The following RBFOX1 variants were observed in gnomAD, a reference collection of about 807,000 sequenced individuals.
RBFOX1 encodes the protein RNA binding fox-1 homolog 1, also known as RNA binding protein fox-1 homolog 1.
Under a neutral mutation model 57.7 loss-of-function variants are expected in RBFOX1, and 8 were observed. The ratio of observed to expected loss-of-function variants is 0.14; its 90% confidence interval spans 0.08 to 0.25. The LOEUF (loss-of-function observed/expected upper bound fraction) is 0.25. Ranked by LOEUF, RBFOX1 falls within the 10% of genes least tolerant of loss-of-function variation. The pLI is 1.00. For missense variants in RBFOX1, 611 were observed against 548.5 expected, an observed-to-expected ratio of 1.11 and a Z score of -1.14; for synonymous variants, 326 against 222.4, an observed-to-expected ratio of 1.47 and a Z score of -4.15.
intron 3 of RBFOX1, among the ~76,000 whole-genome samples, chr16:6,679,130 A>G (rs937016677): frequency 6.6e-6 from 1 of 152,104 alleles, no homozygotes; most frequent in African/African-American, 2.4e-5. Flanking sequence ...TGCAGCCAGA[A>G]TTTCACAACT....
At chr16:7,378,179 C>T (rs760777794) in intron 4 of RBFOX1, among the ~76,000 whole-genome samples, 5 of 152,156 alleles carry the variant, frequency 3.3e-5, no homozygotes, top group Non-Finnish European at 7.3e-5. Flanking sequence ...TTTATCGTTG[C>T]TGAGCCGGAA....
rs866044695 is a variant in RBFOX1 at position 7,636,199 on chromosome 16, A to G, written c.757+5516A>G. Reference sequence around the variant, plus strand: ...GTGCAACTACATCCATTCTACACTTAACATTGCCAAACATGGAACTGTTGG... The same window carrying G: ...GTGCAACTACATCCATTCTACACTTGACATTGCCAAACATGGAACTGTTGG... On this transcript the variant is annotated intron_variant, in intron 11 of 15. Coordinates refer to ENST00000550418, the MANE Select transcript of RBFOX1 (RefSeq NM_018723.4). Among the ~76,000 whole-genome samples, 4 of 152,374 alleles carry G rather than the reference A, an allele frequency of 2.6e-5. No individual in the cohort carries two copies. The South Asian group carries it at 8.3e-4, about 32-fold the overall frequency.
intron 4 of RBFOX1, among the ~76,000 whole-genome samples, chr16:7,169,439 C>G (rs1265630742): frequency 6.6e-6 from 1 of 152,160 alleles, no homozygotes; most frequent in African/African-American, 2.4e-5. Context: ...AATCCCTGAC[C>G]TAGGGTATCT....
At chr16:6,448,114 T>C (rs2094521337) in intron 2 of RBFOX1, among the ~76,000 whole-genome samples, 1 of 151,542 alleles carries the variant, frequency 6.6e-6, no homozygotes, top group Non-Finnish European at 1.5e-5. Flanking sequence ...TTATAACATA[T>C]AACTGATCAG....
At chr16:6,028,352 A>G (rs2095235936) in intron 1 of RBFOX1, among the ~76,000 whole-genome samples, 1 of 151,926 alleles carries the variant, frequency 6.6e-6, no homozygotes, top group African/African-American at 2.4e-5. Context: ...TTGAGGGAGA[A>G]TAAAGGGCAT....
intron 3 of RBFOX1, among the ~76,000 whole-genome samples, chr16:6,750,090 A>G (rs1258692437): frequency 6.6e-6 from 1 of 152,168 alleles, no homozygotes; most frequent in East Asian, 1.9e-4. Flanking sequence ...CGAGGTGTAT[A>G]GGGTTATGAT....
At chr16:6,686,434 C>T (rs888884790) in intron 3 of RBFOX1, among the ~76,000 whole-genome samples, 6 of 152,162 alleles carry the variant, frequency 3.9e-5, no homozygotes, top group African/African-American at 9.7e-5. Flanking sequence ...CGCAGGCCTC[C>T]GTTGTACTCA....
intron 4 of RBFOX1, among the ~76,000 whole-genome samples, chr16:7,060,083 C>G (rs1468403241): frequency 2.6e-5 from 4 of 152,094 alleles, no homozygotes; most frequent in Non-Finnish European, 5.9e-5. Context: ...TTTAATCAAA[C>G]CCAGAATTGA....
chr16:6,642,019 A>C (rs1006599020), intron 2 of RBFOX1, among the ~76,000 whole-genome samples: 49 of 152,122 alleles, frequency 3.2e-4, no homozygotes, highest in Non-Finnish European at 6.2e-4. Context: ...GCTGACCACC[A>C]AATTAGAACA....
At chr16:5,931,133 G>A (rs532444808) in intron 4 of RBFOX1, among the ~76,000 whole-genome samples, 1 of 152,246 alleles carries the variant, frequency 6.6e-6, no homozygotes, top group African/African-American at 2.4e-5. Flanking sequence ...TGCACGTAGG[G>A]CTATTCTTTT....
chr16:7,112,263 T>C (rs1488635046), intron 4 of RBFOX1, among the ~76,000 whole-genome samples: 1 of 152,078 alleles, frequency 6.6e-6, no homozygotes, highest in Admixed American at 6.6e-5. Flanking sequence ...AGTGCAGTGG[T>C]GCAATCTCGG....
intron 1 of RBFOX1, among the ~76,000 whole-genome samples, chr16:6,253,967 A>C (rs2097644427): frequency 1.3e-5 from 2 of 152,126 alleles, no homozygotes; most frequent in African/African-American, 4.8e-5. Flanking sequence ...CAAGTAGGAC[A>C]GAACTCTTAT....
At chr16:6,229,799 A>G (rs1164484679) in intron 1 of RBFOX1, among the ~76,000 whole-genome samples, 1 of 152,092 alleles carries the variant, frequency 6.6e-6, no homozygotes, top group Non-Finnish European at 1.5e-5. Context: ...AGTTATAAAT[A>G]TAGAATACAT....
intron 2 of RBFOX1, among the ~76,000 whole-genome samples, chr16:6,611,353 G>C (rs2098049493): frequency 6.6e-6 from 1 of 152,070 alleles, no homozygotes; most frequent in African/African-American, 2.4e-5. Flanking sequence ...TGCCATGTTG[G>C]CCAGGCTGAT....
intron 4 of RBFOX1, among the ~76,000 whole-genome samples, chr16:7,166,972 C>CTTTTTTTTTTTTTTTT (rs537293692): frequency 2.6e-4 from 13 of 49,114 alleles, no homozygotes; most frequent in African/African-American, 6.0e-4. Context: ...CATTGGTGTT[C>CTTTTTTTTTTTTTTTT]TTTTTTTTTT....
intron 3 of RBFOX1, among the ~76,000 whole-genome samples, chr16:6,707,103 C>T (rs1356657673): frequency 6.6e-6 from 1 of 152,176 alleles, no homozygotes; most frequent in Non-Finnish European, 1.5e-5. Flanking sequence ...TGCACACACA[C>T]ATTTCTCCCC....
Position 5,523,344 on chromosome 16 carries a change from G to A in RBFOX1, c.258+56090G>A, listed in dbSNP as rs556096361. On this transcript the variant is annotated intron_variant, in intron 2 of 2. Coordinates refer to the RBFOX1 transcript ENST00000585867. ...GATGTACCAATTTCCAGCTGGGCGC[G>A]GTGGTTTATGCCTGTAATCCCACAC... Among the ~76,000 whole-genome samples the A allele has an allele frequency of 5.0e-4, 75 of 151,390 alleles. No homozygotes were observed. The South Asian group carries it at 0.014, about 28-fold the overall frequency.
intron 2 of RBFOX1, among the ~76,000 whole-genome samples, chr16:6,392,926 C>T (rs866394356): frequency 3.3e-5 from 5 of 152,238 alleles, no homozygotes; most frequent in African/African-American, 1.2e-4. Context: ...CCACCCTCTT[C>T]TGCCATGAAT....
chr16:7,170,816 C>T (rs1428264906), intron 4 of RBFOX1, among the ~76,000 whole-genome samples: 1 of 152,136 alleles, frequency 6.6e-6, no homozygotes, highest in Non-Finnish European at 1.5e-5. Flanking sequence ...ACAGAGCTTC[C>T]ACTTAAATCC....
Sources: gnomAD v4.1 joint callset for allele counts (sites outside exome capture counted in the v4.1 genomes callset) on GRCh38, gnomAD v4.1.1 for gene constraint, MANE v1.5 for transcripts, NCBI Gene and HGNC (gene_info 2026-07-23, HGNC 2026-07-21) for gene names.